Variants in SRL observed in about 807,000 individuals in gnomAD.
SRL encodes the protein sarcalumenin.
In SRL, 23 loss-of-function variants were observed where a neutral mutation model predicts 39.5. That is an observed-to-expected ratio of 0.58 (90% CI 0.42 to 0.82). SRL has a LOEUF of 0.82. Ranked by LOEUF, SRL falls within the 40% of genes least tolerant of loss-of-function variation. The pLI is 0.00. For synonymous variants in SRL, 272 were observed against 237.4 expected, an observed-to-expected ratio of 1.15 and a Z score of -1.34; for missense variants, 592 against 607.8, an observed-to-expected ratio of 0.97 and a Z score of 0.27.
intron 3 of SRL, 101 bp downstream of exon 3, chr16:4,203,065 G>T (rs2052258232): frequency 9.9e-7 from 1 of 1,010,798 alleles, no homozygotes; most frequent in Admixed American, 1.8e-5. Flanking sequence ...CTGAACCTGT[G>T]TGGGTACCGG....
At chr16:4,197,421 C>CTTCTTTTTTT (rs71394661) in intron 4 of SRL, among the ~76,000 whole-genome samples, 5 of 107,566 alleles carry the variant, frequency 4.6e-5, no homozygotes, top group African/African-American at 1.9e-4. Context: ...CTTTTCTTTC[C>CTTCTTTTTTT]TTTTTTTTTT....
intron 1 of SRL, among the ~76,000 whole-genome samples, chr16:4,224,984 C>G (rs1052303396): frequency 4.6e-5 from 7 of 152,154 alleles, no homozygotes; most frequent in Non-Finnish European, 1.0e-4. Context: ...GTGAAAGAAG[C>G]TGGACACAAG....
Position 4,193,086 on chromosome 16 carries a change from T to A in SRL, c.611-122A>T. The A allele has an allele frequency of 4.8e-6, 4 of 836,838 alleles. No homozygotes were observed. The South Asian group carries it at 7.2e-5, about 15-fold the overall frequency. 51.8% of individuals were successfully genotyped at this position (836,838 alleles called of 1,614,324 possible). A position where few individuals can be genotyped will look rare whatever the true frequency, so the allele number is the denominator to read the frequency against. On this transcript the variant is annotated intron_variant, in intron 5 of 5. Transcript: ENST00000399609. ...GGAACAGCGCTACGGATTTTCTGGG[T>A]TTCTACAGACTATTAAAAAATCAAT... is the stretch of plus-strand genomic sequence containing the variant.
chr16:4,223,829 C>T (rs1054560903), intron 1 of SRL, among the ~76,000 whole-genome samples: 2 of 152,148 alleles, frequency 1.3e-5, no homozygotes, highest in Non-Finnish European at 2.9e-5. Flanking sequence ...GTGGAGGAAC[C>T]TGCTTGTGTG....
intron 1 of SRL, among the ~76,000 whole-genome samples, chr16:4,216,717 C>T (rs551856278): frequency 2.6e-5 from 4 of 152,308 alleles, no homozygotes; most frequent in Non-Finnish European, 5.9e-5. Flanking sequence ...AACAGAAATC[C>T]TTGCAGAAGG....
intron 1 of SRL, among the ~76,000 whole-genome samples, chr16:4,215,909 G>T (rs992444770): frequency 1.3e-5 from 2 of 152,038 alleles, no homozygotes; most frequent in Non-Finnish European, 2.9e-5. Context: ...GGTAGCGTGC[G>T]CCTGTGGTCC....
At chr16:4,218,186 C>T (rs375162457) in intron 1 of SRL, among the ~76,000 whole-genome samples, 5 of 152,154 alleles carry the variant, frequency 3.3e-5, no homozygotes, top group South Asian at 4.1e-4. Context: ...TTCCCCACCA[C>T]GTCCCATCCC....
intron 2 of SRL, among the ~76,000 whole-genome samples, chr16:4,203,827 G>A (rs2052273389): frequency 6.6e-6 from 1 of 152,246 alleles, no homozygotes; most frequent in Non-Finnish European, 1.5e-5. Flanking sequence ...CTCTGTGTGT[G>A]CTCCCTGAGG....
chr16:4,196,914 T>A (rs1367376646), intron 4 of SRL, among the ~76,000 whole-genome samples: 2 of 152,306 alleles, frequency 1.3e-5, no homozygotes, highest in African/African-American at 4.8e-5. Flanking sequence ...TGAATAATAA[T>A]TTATGTATGA....
intron 1 of SRL, among the ~76,000 whole-genome samples, chr16:4,236,983 C>T (rs886672296): frequency 6.0e-5 from 9 of 150,194 alleles, no homozygotes; most frequent in Non-Finnish European, 1.2e-4. Context: ...ACTCAGTTGC[C>T]GAGGTTGGGG....
intron 5 of SRL, among the ~76,000 whole-genome samples, chr16:4,194,493 G>A (rs947782469): frequency 6.6e-6 from 1 of 152,170 alleles, no homozygotes; most frequent in Non-Finnish European, 1.5e-5. Context: ...AGCAGAAACC[G>A]GGAATAGGAG....
chr16:4,202,945 C>T (rs148375613), intron 3 of SRL, among the ~76,000 whole-genome samples: 246 of 152,304 alleles, frequency 1.6e-3, no homozygotes, highest in African/African-American at 4.7e-3. Context: ...TAAAGCATCG[C>T]GCTGTGCTGG....
chr16:4,235,776 G>A (rs191437031), intron 1 of SRL, among the ~76,000 whole-genome samples: 4 of 152,232 alleles, frequency 2.6e-5, no homozygotes, highest in South Asian at 2.1e-4. Flanking sequence ...CATATCCACC[G>A]CGCCAATTTC....
chr16:4,204,285 C>T (rs1330730172), intron 2 of SRL, among the ~76,000 whole-genome samples: 2 of 152,212 alleles, frequency 1.3e-5, no homozygotes, highest in Admixed American at 6.5e-5. Context: ...CTTGGATGGC[C>T]CTTCCTCCTC....
intron 1 of SRL, among the ~76,000 whole-genome samples, chr16:4,224,266 A>G (rs1309837088): frequency 1.3e-5 from 2 of 152,192 alleles, no homozygotes; most frequent in Non-Finnish European, 2.9e-5. Flanking sequence ...AATAAAACAG[A>G]AGAGAAAAAC....
intron 3 of SRL, among the ~76,000 whole-genome samples, chr16:4,198,546 A>G (rs901764329): frequency 6.6e-6 from 1 of 152,030 alleles, no homozygotes; most frequent in Non-Finnish European, 1.5e-5. Context: ...GGCTCAAGCA[A>G]TCCTCCCACT....
rs368658372 is a variant in SRL at position 4,242,047 on chromosome 16, G to A, written c.21C>T (p.Leu7=). ...ACAGGAGCGAGGCCAGGAGGCAGCC[G>A]AGCAGGACCAGCGCCCTCATGGTGA... The part of the protein sequence containing the change: MRALVL[L]GCLLASLLFS... Residue 7 remains leucine (L), a synonymous_variant, in exon 1 of 6, where the codon CTC becomes CTT. Coordinates refer to ENST00000399609, the MANE Select transcript of SRL (RefSeq NM_001098814.2). 1.5e-5 allele frequency: 24 copies of A among 1,612,704 alleles called. No homozygotes were observed. In the African/African-American group the frequency reaches 1.6e-4, roughly 11 times the overall value.
Position 4,190,706 on chromosome 16 carries a change from G to A in SRL, c.*1447C>T, listed in dbSNP as rs183802992. 2.6e-6 allele frequency: 1 copy of A among 377,896 alleles called. No homozygotes were observed. Among genetic ancestry groups the A allele is most frequent in the East Asian group, 3.8e-5 (1 of 26,342 alleles). The allele number at this position is 377,896 out of a possible 1,614,324, so 23.4% of individuals were successfully genotyped here. A position where few individuals can be genotyped will look rare whatever the true frequency, so the allele number is the denominator to read the frequency against. ...CCCTGGCTTTCCTGCGGTGTGTTCA[G>A]TGGACATCTGCATCAAGGTCAGGCG... is the stretch of plus-strand genomic sequence containing the variant. On this transcript the variant is annotated 3_prime_UTR_variant, in exon 6 of 6. Coordinates refer to ENST00000399609, the MANE Select transcript of SRL (RefSeq NM_001098814.2).
At chr16:4,240,542 G>C (rs2052761615) in intron 1 of SRL, among the ~76,000 whole-genome samples, 1 of 152,156 alleles carries the variant, frequency 6.6e-6, no homozygotes, top group South Asian at 2.1e-4. Flanking sequence ...CACGCTGTGG[G>C]ACCCAGGAAG....
Sources: gnomAD v4.1 joint callset for allele counts (sites outside exome capture counted in the v4.1 genomes callset) on GRCh38, gnomAD v4.1.1 for gene constraint, MANE v1.5 for transcripts, NCBI Gene and HGNC (gene_info 2026-07-23, HGNC 2026-07-21) for gene names.